SPAG16: variants seen among roughly 807,000 people sequenced by gnomAD.
SPAG16 encodes the protein sperm-associated antigen 16 protein.
Under a neutral mutation model 80.4 loss-of-function variants are expected in SPAG16, and 86 were observed. The observed-to-expected ratio is 1.07, with a 90% CI of 0.90 to 1.28. The LOEUF is 1.28. Ranked by LOEUF, SPAG16 falls within the 50% of genes most tolerant of loss-of-function variation. The pLI is 0.00. For synonymous variants in SPAG16, 294 were observed against 265.9 expected, an observed-to-expected ratio of 1.11 and a Z score of -1.03; for missense variants, 870 against 765.3, an observed-to-expected ratio of 1.14 and a Z score of -1.61.
intron 10 of SPAG16, among the ~76,000 whole-genome samples, chr2:213,793,084 G>A (rs1023665088): frequency 2.6e-5 from 4 of 151,864 alleles, no homozygotes; most frequent in South Asian, 2.1e-4. Context: ...CTGCCACCGC[G>A]CCCAGCTAAT....
At chr2:213,775,074 A>G (rs899631852) in intron 10 of SPAG16, among the ~76,000 whole-genome samples, 1 of 152,170 alleles carries the variant, frequency 6.6e-6, no homozygotes, top group Non-Finnish European at 1.5e-5. Flanking sequence ...TCAGAGTACA[A>G]CTATTTTCTT....
intron 10 of SPAG16, among the ~76,000 whole-genome samples, chr2:213,573,459 G>C (rs1353931336): frequency 6.6e-6 from 1 of 152,078 alleles, no homozygotes; most frequent in Non-Finnish European, 1.5e-5. Context: ...GTACATGATG[G>C]GTACATGTGA....
intron 10 of SPAG16, among the ~76,000 whole-genome samples, chr2:213,712,192 G>A (rs150786021): frequency 1.8e-4 from 27 of 152,096 alleles, no homozygotes; most frequent in South Asian, 4.2e-4. Context: ...TGTAATAGCC[G>A]CAGGTATTTC....
intron 10 of SPAG16, among the ~76,000 whole-genome samples, chr2:213,820,904 G>A (rs1485313849): frequency 6.6e-6 from 1 of 152,012 alleles, no homozygotes; most frequent in Non-Finnish European, 1.5e-5. Context: ...TATTAAATGT[G>A]TACTAAGTTT....
intron 11 of SPAG16, among the ~76,000 whole-genome samples, chr2:213,864,162 A>G (rs2075595023): frequency 1.3e-5 from 2 of 152,154 alleles, no homozygotes; most frequent in South Asian, 2.1e-4. Flanking sequence ...TCAGACCACA[A>G]ACATTTTATA....
chr2:214,028,738 G>GA (rs1216127603), intron 13 of SPAG16, among the ~76,000 whole-genome samples: 7 of 151,814 alleles, frequency 4.6e-5, no homozygotes, highest in African/African-American at 7.3e-5. Context: ...TAGTATCTGT[G>GA]AAAAAAATCA....
intron 10 of SPAG16, among the ~76,000 whole-genome samples, chr2:213,696,081 G>A (rs1048566474): frequency 2.6e-5 from 4 of 152,136 alleles, no homozygotes; most frequent in African/African-American, 4.8e-5. Context: ...AGTATATCTA[G>A]AGGGTAAAGC....
chr2:214,269,767 T>C (rs1691858856), intron 15 of SPAG16, among the ~76,000 whole-genome samples: 1 of 152,050 alleles, frequency 6.6e-6, no homozygotes, highest in Non-Finnish European at 1.5e-5. Flanking sequence ...GAGAAAATAA[T>C]TGCAAAGCAG....
At chr2:214,060,548 G>C (rs187800570) in intron 13 of SPAG16, among the ~76,000 whole-genome samples, 201 of 152,234 alleles carry the variant, frequency 1.3e-3, no homozygotes, top group Non-Finnish European at 2.4e-3. Context: ...TCTTGGAATG[G>C]AATTAATAAG....
intron 12 of SPAG16, among the ~76,000 whole-genome samples, chr2:213,995,467 T>G (rs1181213570): frequency 1.3e-5 from 2 of 152,216 alleles, no homozygotes; most frequent in Admixed American, 6.5e-5. Context: ...GATGAATACA[T>G]GTATATCCGT....
chr2:213,476,261 AG>A (rs1559171281), intron 9 of SPAG16, among the ~76,000 whole-genome samples: 1 of 152,272 alleles, frequency 6.6e-6, no homozygotes. Flanking sequence ...ACACCTGAAC[AG>A]GCTGTCGGGA....
chr2:213,759,970 G>A (rs2068564033), intron 10 of SPAG16, among the ~76,000 whole-genome samples: 1 of 152,098 alleles, frequency 6.6e-6, no homozygotes, highest in South Asian at 2.1e-4. Context: ...AGGAGGCGGA[G>A]GCTGCAGTGA....
intron 9 of SPAG16, among the ~76,000 whole-genome samples, chr2:213,406,925 C>T (rs1282095567): frequency 4.4e-5 from 6 of 135,278 alleles, no homozygotes; most frequent in Non-Finnish European, 9.2e-5. Flanking sequence ...GAGCTCTCAG[C>T]GACGCGGATT....
intron 12 of SPAG16, among the ~76,000 whole-genome samples, chr2:213,950,625 C>G (rs932851166): frequency 2.0e-5 from 3 of 151,672 alleles, no homozygotes; most frequent in Non-Finnish European, 4.4e-5. Flanking sequence ...TTGCTTCCTT[C>G]CTTCCTTGCT....
Position 213,333,867 on chromosome 2 carries a change from A to G in SPAG16, c.537-6296A>G, listed in dbSNP as rs980231204. Among the ~76,000 whole-genome samples the G allele has an allele frequency of 2.6e-5, 4 of 152,256 alleles. No homozygotes were observed. In the South Asian group the frequency reaches 8.3e-4, roughly 32 times the overall value. Reference sequence around the variant, plus strand: ...AAAATCAAATCAAAATGAAATTCCTAAGAGAAAACTAAAAGAAACTCTCAA... The same window carrying G: ...AAAATCAAATCAAAATGAAATTCCTGAGAGAAAACTAAAAGAAACTCTCAA... On this transcript the variant is annotated intron_variant, in intron 5 of 15. Transcript: ENST00000331683.
intron 10 of SPAG16, among the ~76,000 whole-genome samples, chr2:213,563,726 T>C (rs546150192): frequency 6.6e-6 from 1 of 152,368 alleles, no homozygotes; most frequent in Admixed American, 6.5e-5. Context: ...ATTCAGTCCA[T>C]AGCAGTATAT....
intron 9 of SPAG16, among the ~76,000 whole-genome samples, chr2:213,445,337 T>C (rs1384797043): frequency 2.0e-5 from 3 of 151,884 alleles, no homozygotes; most frequent in Non-Finnish European, 2.9e-5. Flanking sequence ...GATTAGAAAA[T>C]GGACAAAGAT....
intron 13 of SPAG16, among the ~76,000 whole-genome samples, chr2:214,085,948 C>G (rs1210155914): frequency 1.3e-5 from 2 of 152,238 alleles, no homozygotes; most frequent in African/African-American, 2.4e-5. Flanking sequence ...TGAACACCAT[C>G]TTCGCCCTCT....
chr2:214,095,391 G>A (rs72937953), intron 13 of SPAG16, among the ~76,000 whole-genome samples: 3 of 152,118 alleles, frequency 2.0e-5, no homozygotes, highest in Non-Finnish European at 2.9e-5. Context: ...TTAATCACAC[G>A]TGTCTATCAT....
Sources: allele counts gnomAD v4.1 joint callset (sites outside exome capture counted in the v4.1 genomes callset), GRCh38; gene constraint gnomAD v4.1.1; transcripts MANE v1.5; gene names NCBI Gene and HGNC (gene_info 2026-07-23, HGNC 2026-07-21).